ATRIP: variants seen among roughly 807,000 people sequenced by gnomAD.
The protein encoded by ATRIP is ATR-interacting protein.
A neutral mutation model predicts 78.1 loss-of-function variants in ATRIP; 44 were observed. The ratio of observed to expected loss-of-function variants is 0.56; its 90% CI spans 0.44 to 0.72. The LOEUF is 0.72. ATRIP is among the 30% of genes least tolerant of loss of function. ATRIP has a pLI of 0.00. For missense variants in ATRIP, 927 were observed against 980.2 expected, an observed-to-expected ratio of 0.95 and a Z score of 0.72; for synonymous variants, 388 against 408.9, an observed-to-expected ratio of 0.95 and a Z score of 0.62.
Position 48,467,188 on chromosome 3 carries a change from G to C in ATRIP, c.*1634G>C. The C allele has an allele frequency of 6.2e-7, 1 of 1,613,906 alleles. No individual in the cohort carries two copies. The highest frequency in any genetic ancestry group is 8.5e-7 in the Non-Finnish European group (1 of 1,179,958). The stretch of plus-strand genomic sequence containing the variant: ...GAACACGGCCCAAGGAAGAGCTATA[G>C]CCTAGGCAGCATCTACACTCGCCTG... On this transcript the variant is annotated 3_prime_UTR_variant, in exon 13 of 13. Transcript: ENST00000320211.
rs1338707785 is a variant in ATRIP, at chr3:48,466,545, T to C, written c.*991T>C. 1 of 1,613,784 alleles carries C rather than the reference T, an allele frequency of 6.2e-7. No individual in the cohort carries two copies. On this transcript the variant is annotated 3_prime_UTR_variant, in exon 13 of 13. Transcript: ENST00000320211. Reference sequence around the variant, plus strand: ...GATTGTGCAGGGAAGGCCTGAGATGTGCTTCTGCCCACCCCCTACCCCACT... The same window carrying C: ...GATTGTGCAGGGAAGGCCTGAGATGCGCTTCTGCCCACCCCCTACCCCACT...
At chr3:48,463,709 G>A (rs376517782) in intron 8 of ATRIP, 36 bp from the exon 9 acceptor site, 3 of 1,612,682 alleles carry the variant, frequency 1.9e-6, no homozygotes, top group Non-Finnish European at 2.5e-6. Context: ...GCTGGGGTTG[G>A]GGAGTGTCAC....
chr3:48,466,626 C>G lies in ATRIP; in HGVS notation c.*1072C>G. 1 of 1,614,072 alleles carries G rather than the reference C, an allele frequency of 6.2e-7. No homozygotes were observed. Among genetic ancestry groups the G allele is most frequent in the Non-Finnish European group, 8.5e-7 (1 of 1,179,996 alleles). On this transcript the variant is annotated 3_prime_UTR_variant, in exon 13 of 13. Coordinates refer to ENST00000320211, the MANE Select transcript of ATRIP (RefSeq NM_130384.3). ...TCACACACCCACCCCATGCTCCTCT[C>G]CAGGCTCAGCAGCAGGTACGTACCC...
In ATRIP at chr3:48,463,834, T is replaced by TGCTGGCGGACCACGACCA; in HGVS notation, c.1842_1859dup (p.Asp615_Ala620dup). 6.2e-7 allele frequency: 1 copy of TGCTGGCGGACCACGACCA among 1,614,120 alleles called. No individual in the cohort carries two copies. Among genetic ancestry groups the TGCTGGCGGACCACGACCA allele is most frequent in the Non-Finnish European group, 8.5e-7 (1 of 1,180,022 alleles). Reference sequence around the variant, plus strand: ...CTGCTGGCTGTTGAGCTCCTCTCCCTGCTGGCGGACCACGACCAGCTGGCA... The same window carrying TGCTGGCGGACCACGACCA: ...CTGCTGGCTGTTGAGCTCCTCTCCCTGCTGGCGGACCACGACCAGCTGGCGGACCACGACCAGCTGGCA... On this transcript the variant is annotated inframe_insertion, in exon 9 of 13. Coordinates refer to ENST00000320211, the MANE Select transcript of ATRIP (RefSeq NM_130384.3).
Position 48,466,506 on chromosome 3 carries a change from C to A in ATRIP, c.*952C>A, listed in dbSNP as rs1227078079. 6.2e-7 allele frequency: 1 copy of A among 1,613,944 alleles called. No homozygotes were observed. The highest frequency in any genetic ancestry group is 1.7e-5 in the Admixed American group (1 of 60,020). On this transcript the variant is annotated 3_prime_UTR_variant, in exon 13 of 13. Transcript: ENST00000320211. The stretch of plus-strand genomic sequence containing the variant: ...CTGCCTGAAAATGGGCCCTGGAGCT[C>A]GCAGACAGGGCAGGATTGTGCAGGG...
At chr3:48,462,846 A>G (rs1207172533) in intron 8 of ATRIP, among the ~76,000 whole-genome samples, 1 of 152,226 alleles carries the variant, frequency 6.6e-6, no homozygotes, top group South Asian at 2.1e-4. Context: ...GGTAATAACC[A>G]TGTTAAAATT....
intron 1 of ATRIP, among the ~76,000 whole-genome samples, chr3:48,448,369 G>T (rs904820633): frequency 6.6e-6 from 1 of 152,058 alleles, no homozygotes; most frequent in East Asian, 1.9e-4. Flanking sequence ...TAGTAGAGAC[G>T]GGGTTTCGCC....
chr3:48,457,181 G>T, intron 4 of ATRIP, 78 bp from the exon 5 acceptor site: 1 of 1,342,318 alleles, frequency 7.4e-7, no homozygotes, highest in Non-Finnish European at 9.8e-7. Flanking sequence ...TTTAAAGTTT[G>T]TTAGAAATTT....
Position 48,461,145 on chromosome 3 carries a change from G to A in ATRIP, c.1745+346G>A, listed in dbSNP as rs2107228399. 2.0e-5 allele frequency among the ~76,000 whole-genome samples: 3 copies of A among 152,358 alleles called. No homozygotes were observed. In the South Asian group the frequency reaches 6.2e-4, roughly 32 times the overall value. On this transcript the variant is annotated intron_variant, in intron 8 of 12. Coordinates refer to ENST00000320211, the MANE Select transcript of ATRIP (RefSeq NM_130384.3). ...GTAAGGTGAAGACCACACATCACAA[G>A]CACGTTGAAGTTTAGTGGTTTCCCT...
intron 5 of ATRIP, among the ~76,000 whole-genome samples, chr3:48,458,748 A>G (rs999365707): frequency 6.6e-6 from 1 of 152,246 alleles, no homozygotes; most frequent in Non-Finnish European, 1.5e-5. Context: ...AGTGTATCTT[A>G]TAAATCGGAT....
At chr3:48,456,205 G>A (rs2039950799) in intron 4 of ATRIP, among the ~76,000 whole-genome samples, 1 of 152,114 alleles carries the variant, frequency 6.6e-6, no homozygotes, top group African/African-American at 2.4e-5. Flanking sequence ...TACACAGGAG[G>A]CTAAGGCAGG....
chr3:48,464,473 G>A (rs897657790), intron 10 of ATRIP, 109 bp from the exon 11 acceptor site: 3 of 1,238,870 alleles, frequency 2.4e-6, no homozygotes, highest in Middle Eastern at 1.9e-4. Context: ...CCCCATTTGT[G>A]CAGACAAACA....
At chr3:48,464,017 T>A (rs1419927121) in intron 9 of ATRIP, 24 bp from the exon 10 acceptor site, 3 of 1,608,740 alleles carry the variant, frequency 1.9e-6, no homozygotes, top group East Asian at 2.2e-5. Flanking sequence ...GCACCCTGAG[T>A]GAGAGGTGCG....
chr3:48,450,566 G>C (rs1016647998), intron 2 of ATRIP: 28 of 1,252,112 alleles, frequency 2.2e-5, no homozygotes, highest in South Asian at 3.8e-5. Flanking sequence ...TGGAATTTTA[G>C]TTGTGCAAGG....
In ATRIP at chr3:48,460,419, C is replaced by T. The variant is rs1036201281; in HGVS notation, c.1365C>T (p.Cys455=). 1.9e-6 allele frequency: 3 copies of T among 1,612,948 alleles called. No homozygotes were observed. Among genetic ancestry groups the T allele is most frequent in the African/African-American group, 1.3e-5 (1 of 74,928 alleles). The change falls in exon 8 of 13, where the codon TGC becomes TGT. Residue 455 remains cysteine, a synonymous_variant. Coordinates refer to ENST00000320211, the MANE Select transcript of ATRIP (RefSeq NM_130384.3). ...APGDSPTHSS[C]VSSGVETNPE... ...GGGACTCACCGACACATTCCTCCTG[C>T]GTGAGCTCTGGGGTAGAGACCAACC...
rs767157848 is a variant in ATRIP at position 48,467,209 on chromosome 3, G to A, written c.*1655G>A. 13 of 1,613,894 alleles carry A rather than the reference G, an allele frequency of 8.1e-6. No homozygotes were observed. Among genetic ancestry groups the A allele is most frequent in the African/African-American group, 8.0e-5 (6 of 74,936 alleles). On this transcript the variant is annotated 3_prime_UTR_variant, in exon 13 of 13. Coordinates refer to ENST00000320211, the MANE Select transcript of ATRIP (RefSeq NM_130384.3). Reference sequence around the variant, plus strand: ...TATAGCCTAGGCAGCATCTACACTCGCCTGTATGGGCAGTCCCCTCCAGAC... The same window carrying A: ...TATAGCCTAGGCAGCATCTACACTCACCTGTATGGGCAGTCCCCTCCAGAC...
rs2039980689 is a variant in ATRIP at position 48,457,377 on chromosome 3, C to G, written c.790C>G (p.Gln264Glu). Reference sequence around the variant, plus strand: ...TAACATGTCCCTTCCCCACCCCTGCCAGACGGAGTCAGGATACAAGCCTCT... The same window carrying G: ...TAACATGTCCCTTCCCCACCCCTGCGAGACGGAGTCAGGATACAAGCCTCT... ...SANMSLPHPC[Q>E]TESGYKPLVG... Residue 264 changes from glutamine to glutamate, a missense_variant, in exon 5 of 13, where the codon CAG (glutamine) becomes GAG (glutamate). Transcript: ENST00000320211. 7 of 1,597,350 alleles carry G rather than the reference C, an allele frequency of 4.4e-6. No homozygotes were observed. The highest frequency in any genetic ancestry group is 4.3e-6 in the Non-Finnish European group (5 of 1,172,540).
At chr3:48,465,341 A>G in intron 12 of ATRIP, 146 bp from the exon 13 acceptor site, 1 of 907,988 alleles carries the variant, frequency 1.1e-6, no homozygotes, top group Non-Finnish European at 1.7e-6. Flanking sequence ...CCTTTGTATC[A>G]CTTTGTTTGC....
At chr3:48,460,888 CTT>C in intron 8 of ATRIP, 89 bp downstream of exon 8, 4 of 1,260,178 alleles carry the variant, frequency 3.2e-6, no homozygotes, top group Non-Finnish European at 3.3e-6. Context: ...TTGCTCACAT[CTT>C]GACTTATCTA....
Sources: gnomAD v4.1 joint callset for allele counts (sites outside exome capture counted in the v4.1 genomes callset) on GRCh38, gnomAD v4.1.1 for gene constraint, MANE v1.5 for transcripts, NCBI Gene and HGNC (gene_info 2026-07-23, HGNC 2026-07-21) for gene names.